EPB41L1: variants seen among roughly 807,000 people sequenced by gnomAD.
The protein encoded by EPB41L1 is band 4.1-like protein 1.
A neutral mutation model predicts 97.8 loss-of-function variants in EPB41L1; 29 were observed. That is an observed-to-expected ratio of 0.30 (90% CI 0.22 to 0.40). The LOEUF is 0.40. EPB41L1 is among the 10% of genes least tolerant of loss of function. The pLI, the probability that EPB41L1 is intolerant of heterozygous loss-of-function variation, is 1.00. For missense variants in EPB41L1, 812 were observed against 1,162.3 expected, an observed-to-expected ratio of 0.70 and a Z score of 4.38; for synonymous variants, 383 against 459.2, an observed-to-expected ratio of 0.83 and a Z score of 2.12.
At chr20:36,214,768 T>G (rs111273345) in intron 17 of EPB41L1, among the ~76,000 whole-genome samples, 1 of 151,996 alleles carries the variant, frequency 6.6e-6, no homozygotes, top group Non-Finnish European at 1.5e-5. Flanking sequence ...TGCATTGAGA[T>G]TTCATTGGCT....
At chr20:36,181,531 C>T (rs1427909465) in intron 5 of EPB41L1, among the ~76,000 whole-genome samples, 2 of 152,104 alleles carry the variant, frequency 1.3e-5, no homozygotes, top group African/African-American at 4.8e-5. Flanking sequence ...GTTTATAATC[C>T]AATCCTGTCT....
chr20:36,173,589 C>G (rs2061088447), intron 1 of EPB41L1, among the ~76,000 whole-genome samples, 175 bp from the exon 2 acceptor site: 1 of 152,168 alleles, frequency 6.6e-6, no homozygotes, highest in Admixed American at 6.5e-5. Context: ...CCCCTCACCT[C>G]CCATGACCCT....
intron 19 of EPB41L1, among the ~76,000 whole-genome samples, chr20:36,221,515 C>T (rs1053690752): frequency 3.3e-5 from 5 of 152,124 alleles, no homozygotes; most frequent in Non-Finnish European, 7.3e-5. Context: ...TACATAAGGT[C>T]GGCACCAGGC....
chr20:36,210,007 T>C (rs2063042873), intron 15 of EPB41L1, 109 bp downstream of exon 15: 1 of 1,357,490 alleles, frequency 7.4e-7, no homozygotes, highest in East Asian at 2.5e-5. Flanking sequence ...TGAAGCTCTG[T>C]CTCGTGTTGC....
rs774773060 is a variant in EPB41L1 at position 36,212,274 on chromosome 20, C to T, written c.2082C>T (p.Pro694=). The T allele has an allele frequency of 6.2e-6, 10 of 1,614,086 alleles. No individual in the cohort carries two copies. Among genetic ancestry groups the T allele is most frequent in the East Asian group, 2.2e-5 (1 of 44,878 alleles). The change falls in exon 16 of 22, where the codon CCC becomes CCT. Residue 694 remains proline, a splice_region_variant and synonymous_variant. Coordinates refer to ENST00000338074, the MANE Select transcript of EPB41L1 (RefSeq NM_012156.2). The surrounding 1 kb of genome is among the most constrained non-coding windows in gnomAD (Gnocchi z 4.8). ...CATTCTCCCTCCTTTTCCTACAGCC[C>T]GTGAAAACAGAAACCATGACTGTCA... ...CSTPDMPQFE[P]VKTETMTVSS... is the part of the protein sequence containing the mutation.
At chr20:36,186,893 T>A (rs890565822) in intron 7 of EPB41L1, among the ~76,000 whole-genome samples, 8 of 152,186 alleles carry the variant, frequency 5.3e-5, no homozygotes, top group Non-Finnish European at 1.0e-4. Context: ...AGACCTGTAA[T>A]GAAGTGATTA....
chr20:36,152,817 G>A (rs565640618), upstream of EPB41L1: 57 of 366,428 alleles, frequency 1.6e-4, no homozygotes, highest in South Asian at 1.2e-3. Context: ...TCCCTTGGGA[G>A]CTCCTGGGAA....
intron 1 of EPB41L1, among the ~76,000 whole-genome samples, chr20:36,156,963 C>T (rs6058422): frequency 0.087 from 13,217 of 152,172 alleles, 845 homozygotes; most frequent in African/African-American, 0.17. Context: ...CCATTGCGCA[C>T]GCCTGTAATC....
chr20:36,198,301 G>A (rs910620809), intron 14 of EPB41L1, among the ~76,000 whole-genome samples: 1 of 152,176 alleles, frequency 6.6e-6, no homozygotes, highest in African/African-American at 2.4e-5. Flanking sequence ...CCATCAGCCC[G>A]AGTATAATGG....
At chr20:36,168,384 C>CT (rs1313988625) in intron 1 of EPB41L1, among the ~76,000 whole-genome samples, 3 of 152,206 alleles carry the variant, frequency 2.0e-5, no homozygotes, top group Non-Finnish European at 2.9e-5. Context: ...TGGCCTCTGT[C>CT]TGTTAGAAAC....
At chr20:36,227,501 T>C (rs1336303669) in intron 21 of EPB41L1, among the ~76,000 whole-genome samples, 1 of 152,204 alleles carries the variant, frequency 6.6e-6, no homozygotes, top group Admixed American at 6.5e-5. Flanking sequence ...ACCTGTGATA[T>C]ACTGGATCTG....
rs569613552 is a variant in EPB41L1 at position 36,190,556 on chromosome 20, G to A, written c.1125-66G>A. On this transcript the variant is annotated intron_variant, in intron 10 of 21. Transcript: ENST00000338074. The surrounding 1 kb of genome is among the most constrained non-coding windows in gnomAD (Gnocchi z 5.8). ...AGTAGTGGGATGAAAGGCCAGCTGT[G>A]GTCTAACCTTGGGCCTGGCAGTGCA... 6.2e-5 allele frequency: 99 copies of A among 1,599,428 alleles called. 1 individual carries two copies. The South Asian group carries it at 8.8e-4, about 14-fold the overall frequency.
At chr20:36,129,018 TG>T (rs1381062588) in intron 2 of EPB41L1, among the ~76,000 whole-genome samples, 2 of 151,442 alleles carry the variant, frequency 1.3e-5, no homozygotes, top group Non-Finnish European at 2.9e-5. Context: ...GGTGTGTGGG[TG>T]GGTGAATTTG....
Position 36,160,864 on chromosome 20 carries a change from C to T in EPB41L1, c.-15+5968C>T, listed in dbSNP as rs192139629. Among the ~76,000 whole-genome samples, 68 of 152,308 alleles carry T rather than the reference C, an allele frequency of 4.5e-4. 2 individuals are homozygous for T. Among genetic ancestry groups the T allele is most frequent in the African/African-American group, 1.6e-3 (65 of 41,552 alleles). On this transcript the variant is annotated intron_variant, in intron 1 of 21. Transcript: ENST00000338074. ...TTTTGCAATAGGTATGTTATACTTT[C>T]ATAATTAAATTTTTAATGGATAAAC...
chr20:36,174,034 T>C (rs2061114600), intron 2 of EPB41L1, 80 bp downstream of exon 2: 1 of 1,455,968 alleles, frequency 6.9e-7, no homozygotes, highest in Admixed American at 2.0e-5. Flanking sequence ...CAGTATTTTT[T>C]CTGGAGGGAG....
At chr20:36,178,143 C>A in intron 4 of EPB41L1, 87 bp downstream of exon 4, 1 of 978,866 alleles carries the variant, frequency 1.0e-6, no homozygotes, top group South Asian at 1.3e-5. Context: ...CATTAGTGCT[C>A]AAATCATTAA....
At chr20:36,153,679 G>A (rs1263109569), upstream of EPB41L1, among the ~76,000 whole-genome samples, 4 of 152,200 alleles carry the variant, frequency 2.6e-5, no homozygotes, top group South Asian at 2.1e-4. Flanking sequence ...CAGCCCTTTC[G>A]TCATTTGCAA....
In EPB41L1 at chr20:36,190,473, C is replaced by A; in HGVS notation, c.1124+99C>A. ...TTAGTGAGAACTCTAGGAAAGTCCT[C>A]CACCCTTTCCCCAAGTCCCTCCCTT... On this transcript the variant is annotated intron_variant, in intron 10 of 21. Coordinates refer to ENST00000338074, the MANE Select transcript of EPB41L1 (RefSeq NM_012156.2). This position sits in a 1 kb window ranked among gnomAD's most constrained non-coding sequence, Gnocchi z 5.8. 6.6e-7 allele frequency: 1 copy of A among 1,513,264 alleles called. No homozygotes were observed. The highest frequency in any genetic ancestry group is 9.1e-7 in the Non-Finnish European group (1 of 1,102,100). The allele number at this position is 1,513,264 out of a possible 1,614,324, so 93.7% of individuals were successfully genotyped here.
chr20:36,148,528 C>T (rs2059923669), intron 2 of EPB41L1, among the ~76,000 whole-genome samples: 1 of 152,162 alleles, frequency 6.6e-6, no homozygotes, highest in Non-Finnish European at 1.5e-5. Flanking sequence ...CCAGGTGAGA[C>T]CAGGCTGTGG....
Sources: allele counts gnomAD v4.1 joint callset (sites outside exome capture counted in the v4.1 genomes callset), GRCh38; gene constraint gnomAD v4.1.1; non-coding constraint Gnocchi (gnomAD v3.1); transcripts MANE v1.5; gene names NCBI Gene and HGNC (gene_info 2026-07-23, HGNC 2026-07-21).